TMPRSS15: variants seen among roughly 807,000 people sequenced by gnomAD.
TMPRSS15 encodes transmembrane serine protease 15.
In TMPRSS15, 128 loss-of-function variants were observed where a neutral mutation model predicts 125.3. The observed-to-expected ratio is 1.02, with a 90% confidence interval of 0.89 to 1.18. The LOEUF (loss-of-function observed/expected upper bound fraction) is 1.18, where lower values mean the gene tolerates loss of function less well. TMPRSS15 is among the 50% of genes most tolerant of loss of function. The pLI is 0.00. For synonymous variants in TMPRSS15, 446 were observed against 423.2 expected, an observed-to-expected ratio of 1.05 and a Z score of -0.66; for missense variants, 1,283 against 1,212.7, an observed-to-expected ratio of 1.06 and a Z score of -0.86.
intron 22 of TMPRSS15, among the ~76,000 whole-genome samples, chr21:18,280,583 A>AAAAAAAAAAC (rs1694252406): frequency 7.1e-6 from 1 of 141,348 alleles, no homozygotes; most frequent in African/African-American, 3.1e-5. Flanking sequence ...CTCAAAAAAA[A>AAAAAAAAAAC]AAAAAAAAAA....
chr21:18,376,480 A>G (rs2075844856), intron 5 of TMPRSS15, among the ~76,000 whole-genome samples: 1 of 152,158 alleles, frequency 6.6e-6, no homozygotes. Context: ...TTTTGGCCCA[A>G]TTTCATGTTT....
At chr21:18,465,349 A>G (rs2122955409) in intron 1 of TMPRSS15, among the ~76,000 whole-genome samples, 5 of 152,222 alleles carry the variant, frequency 3.3e-5, no homozygotes, top group Admixed American at 2.0e-4. Flanking sequence ...GAAAACCGGC[A>G]CAAGACAGGG....
intron 16 of TMPRSS15, among the ~76,000 whole-genome samples, chr21:18,317,791 TCCCATCCCATCCCATCCC>T (rs1255105293): frequency 5.5e-5 from 6 of 108,466 alleles, no homozygotes; most frequent in African/African-American, 7.2e-5. Flanking sequence ...TCCCATCCCA[TCCCATCCCATCCCATCCC>T]ATCCCATTCT....
chr21:18,341,505 G>A lies in TMPRSS15; in HGVS notation c.1472C>T (p.Ala491Val), dbSNP rs1418851300. The A allele has an allele frequency of 3.7e-6, 6 of 1,614,064 alleles. No individual in the cohort carries two copies. The highest frequency in any genetic ancestry group is 1.1e-5 in the South Asian group (1 of 91,080). ...ATATGTTAGGCTAATGTCATCCAAC[G>A]CAATATCACTCAGGATCTTGTTTTT... ...AFKNKILSDI[A>V]LDDISLTYGI... The change falls in exon 13 of 25, where the codon GCG becomes GTG. Residue 491 changes from alanine to valine, a missense_variant. Coordinates refer to ENST00000284885, the MANE Select transcript of TMPRSS15 (RefSeq NM_002772.3).
intron 1 of TMPRSS15, among the ~76,000 whole-genome samples, chr21:18,434,561 G>T (rs1055841960): frequency 2.6e-5 from 4 of 151,930 alleles, no homozygotes; most frequent in Non-Finnish European, 5.9e-5. Flanking sequence ...CATAAATCTG[G>T]TGTATTTACA....
chr21:18,382,118 CCA>C (rs1294791373), intron 4 of TMPRSS15, among the ~76,000 whole-genome samples: 1 of 152,022 alleles, frequency 6.6e-6, no homozygotes, highest in Non-Finnish European at 1.5e-5. Flanking sequence ...TAGGATCAGA[CCA>C]CAGAGGTCAG....
At chr21:18,437,451 T>C (rs8131768) in intron 1 of TMPRSS15, among the ~76,000 whole-genome samples, 16,672 of 151,822 alleles carry the variant, frequency 0.11, 1,019 homozygotes, top group African/African-American at 0.13. Context: ...AAAGCAATGG[T>C]AACAAAAGCC....
Position 18,341,566 on chromosome 21 carries a change from A to T in TMPRSS15, c.1429-18T>A. 1 of 1,613,728 alleles carries T rather than the reference A, an allele frequency of 6.2e-7. No individual in the cohort carries two copies. The highest frequency in any genetic ancestry group is 1.3e-5 in the African/African-American group (1 of 75,024). On this transcript the variant is annotated intron_variant, in intron 12 of 24. Coordinates refer to ENST00000284885, the MANE Select transcript of TMPRSS15 (RefSeq NM_002772.3). ...AAAGCAACCTGCAATTCAGAGAGGC[A>T]TATGAAACGATTTGATTCCATTCTA...
intron 3 of TMPRSS15, among the ~76,000 whole-genome samples, chr21:18,390,966 AG>A (rs2075985367): frequency 6.6e-6 from 1 of 152,196 alleles, no homozygotes; most frequent in South Asian, 2.1e-4. Flanking sequence ...AAGAGTGTGA[AG>A]GGGGAAGAAG....
At chr21:18,313,893 C>CA (rs5842679) in intron 17 of TMPRSS15, among the ~76,000 whole-genome samples, 233 of 129,790 alleles carry the variant, frequency 1.8e-3, no homozygotes, top group Non-Finnish European at 2.1e-3. Flanking sequence ...CCCTCCCCAC[C>CA]AAAAAAAAAA....
chr21:18,466,446 A>C (rs570562744), intron 1 of TMPRSS15, among the ~76,000 whole-genome samples: 1 of 138,886 alleles, frequency 7.2e-6, no homozygotes, highest in East Asian at 2.0e-4. Flanking sequence ...TCTGCACAGC[A>C]AAAAAAAAAC....
rs140770521 is a variant in TMPRSS15, at chr21:18,395,805, C to T, written c.344+2074G>A. On this transcript the variant is annotated intron_variant, in intron 3 of 24. Transcript: ENST00000284885. ...TCAGACTGTCAGCTGCACAAAAGCACAAAAAATATGTAATTTTAAGGCCCT... is the reference window on the plus strand; with the variant it reads ...TCAGACTGTCAGCTGCACAAAAGCATAAAAAATATGTAATTTTAAGGCCCT... Among the ~76,000 whole-genome samples the T allele has an allele frequency of 2.8e-4, 43 of 151,870 alleles. 1 individual carries two copies. The East Asian group carries it at 8.1e-3, about 29-fold the overall frequency.
At chr21:18,372,621 T>C (rs1158623711) in intron 5 of TMPRSS15, among the ~76,000 whole-genome samples, 1 of 152,254 alleles carries the variant, frequency 6.6e-6, no homozygotes, top group Non-Finnish European at 1.5e-5. Context: ...AGGTTTCCAT[T>C]CTGTAGAGTA....
intron 12 of TMPRSS15, among the ~76,000 whole-genome samples, chr21:18,342,883 C>T (rs2075463161): frequency 1.3e-5 from 2 of 152,044 alleles, no homozygotes; most frequent in Admixed American, 1.3e-4. Flanking sequence ...TTGAAATTAC[C>T]CATTTAAAAC....
intron 10 of TMPRSS15, among the ~76,000 whole-genome samples, chr21:18,344,371 A>G (rs1460350880): frequency 6.6e-6 from 1 of 152,188 alleles, no homozygotes; most frequent in Non-Finnish European, 1.5e-5. Flanking sequence ...CCAATTCCTG[A>G]CTTAATTCTA....
intron 21 of TMPRSS15, among the ~76,000 whole-genome samples, chr21:18,283,310 G>A (rs549603065): frequency 3.3e-5 from 5 of 152,166 alleles, no homozygotes; most frequent in African/African-American, 1.2e-4. Context: ...TGAGTAGCCT[G>A]CCTGTTAAGA....
chr21:18,319,422 A>ATTTTTTTTTTTTTT, intron 16 of TMPRSS15, among the ~76,000 whole-genome samples: 1 of 105,310 alleles, frequency 9.5e-6, no homozygotes, highest in African/African-American at 3.5e-5. Flanking sequence ...TTCTTCACCG[A>ATTTTTTTTTTTTTT]TTTTTTTTTT....
At chr21:18,479,253 A>G (rs960845004) in intron 1 of TMPRSS15, among the ~76,000 whole-genome samples, 1 of 152,002 alleles carries the variant, frequency 6.6e-6, no homozygotes. Context: ...GAATCTACAC[A>G]TACATGCATA....
intron 10 of TMPRSS15, among the ~76,000 whole-genome samples, chr21:18,349,699 C>A (rs1310699485): frequency 6.6e-6 from 1 of 152,122 alleles, no homozygotes; most frequent in Non-Finnish European, 1.5e-5. Flanking sequence ...TAAATCCTAT[C>A]ATCTGTCCTC....
Sources: gnomAD v4.1 joint callset for allele counts (sites outside exome capture counted in the v4.1 genomes callset) on GRCh38, gnomAD v4.1.1 for gene constraint, MANE v1.5 for transcripts, NCBI Gene and HGNC (gene_info 2026-07-23, HGNC 2026-07-21) for gene names.